Variants in TCHP observed in about 807,000 individuals in gnomAD.
TCHP encodes trichoplein keratin filament binding.
Under a neutral mutation model 88.7 loss-of-function variants are expected in TCHP, and 81 were observed. That is an observed-to-expected ratio of 0.91 (90% CI 0.76 to 1.10). The LOEUF (loss-of-function observed/expected upper bound fraction) is 1.10, where lower values mean the gene tolerates loss of function less well. TCHP is among the 50% of genes least tolerant of loss of function. The pLI, the probability that TCHP is intolerant of heterozygous loss-of-function variation, is 0.00. For synonymous variants in TCHP, 232 were observed against 232.5 expected (o/e 1.00, Z 0.02); for missense variants, 641 against 632.1 (o/e 1.01, Z -0.15).
chr12:109,915,954 G>A (rs1401050169), intron 12 of TCHP, among the ~76,000 whole-genome samples: 1 of 151,988 alleles, frequency 6.6e-6, no homozygotes, highest in Admixed American at 6.6e-5. Context: ...CCTCCTGTGG[G>A]TGTCCTCTTC....
At chr12:109,883,624 C>T in the TCHP span, among the ~76,000 whole-genome samples, 1 of 152,104 alleles carries the variant, frequency 6.6e-6, no homozygotes, top group Non-Finnish European at 1.5e-5. Flanking sequence ...GTGCCAGAAC[C>T]CCACCCACCT....
rs150290755 is a variant in TCHP at position 109,914,731 on chromosome 12, C to A, written c.1320+104C>A. 249 of 918,266 alleles carry A rather than the reference C, an allele frequency of 2.7e-4. 1 individual carries two copies. The African/African-American group carries it at 3.7e-3, about 14-fold the overall frequency. The allele number at this position is 918,266 out of a possible 1,614,324, so 56.9% of individuals were successfully genotyped here. Reference sequence around the variant, plus strand: ...TGGACTGCCTGGCAGGGCTTGCGCACGTTTGAGAGCACGGTGCTCCCGTTT... The same window carrying A: ...TGGACTGCCTGGCAGGGCTTGCGCAAGTTTGAGAGCACGGTGCTCCCGTTT... On this transcript the variant is annotated intron_variant, in intron 11 of 12. Coordinates refer to ENST00000405876, the MANE Select transcript of TCHP (RefSeq NM_001143852.2).
At chr12:109,907,486 C>A in intron 5 of TCHP, 40 bp from the exon 6 acceptor site, 1 of 1,583,270 alleles carries the variant, frequency 6.3e-7, no homozygotes, top group Non-Finnish European at 8.6e-7. Context: ...TGTTGGCTTA[C>A]GGTACAGATA....
chr12:109,883,250 G>A, the TCHP span, among the ~76,000 whole-genome samples: 3 of 143,780 alleles, frequency 2.1e-5, no homozygotes, highest in Non-Finnish European at 3.0e-5. Context: ...TTCCCAGCCT[G>A]CTTTTAAACC....
At chr12:109,915,142 A>G in intron 11 of TCHP, 1 of 563,470 alleles carries the variant, frequency 1.8e-6, no homozygotes, top group Non-Finnish European at 3.2e-6. Flanking sequence ...TCCACGAGGT[A>G]CACGCCACGC....
At chr12:109,882,833 A>G in the TCHP span, among the ~76,000 whole-genome samples, 1 of 150,404 alleles carries the variant, frequency 6.6e-6, no homozygotes, top group Non-Finnish European at 1.5e-5. Context: ...ATTTTTTTGT[A>G]TTTTTAGTAG....
rs1455550680 is a variant in TCHP at position 109,905,215 on chromosome 12, G to A, written c.456+422G>A. 6.6e-6 allele frequency among the ~76,000 whole-genome samples: 1 copy of A among 152,156 alleles called. No individual in the cohort carries two copies. Among genetic ancestry groups the A allele is most frequent in the African/African-American group, 2.4e-5 (1 of 41,428 alleles). On this transcript the variant is annotated intron_variant, in intron 4 of 12. Transcript: ENST00000405876. The surrounding 1 kb of genome is among the most constrained non-coding windows in gnomAD (Gnocchi z 4.0). Reference sequence around the variant, plus strand: ...GTTTGAAGGGATGTATGTGTGTAGAGGTGAGGAAAGGATGTTCTAGGTTGA... The same window carrying A: ...GTTTGAAGGGATGTATGTGTGTAGAAGTGAGGAAAGGATGTTCTAGGTTGA...
At chr12:109,904,201 A>C in intron 3 of TCHP, 54 bp downstream of exon 3, 1 of 1,492,756 alleles carries the variant, frequency 6.7e-7, no homozygotes, top group Non-Finnish European at 9.1e-7. Flanking sequence ...TCCCAGCCTG[A>C]GTGTGTCGCA....
the TCHP span, among the ~76,000 whole-genome samples, chr12:109,884,906 C>T: frequency 4.7e-4 from 71 of 152,344 alleles, 1 homozygote; most frequent in African/African-American, 1.7e-3. Context: ...CCCTGATGTA[C>T]GGCTACCACC....
rs991216939 is a variant in TCHP at position 109,916,591 on chromosome 12, C to A, written c.1465C>A (p.Pro489Thr). 8 of 1,613,320 alleles carry A rather than the reference C, an allele frequency of 5.0e-6. No homozygotes were observed. Among genetic ancestry groups the A allele is most frequent in the Non-Finnish European group, 6.8e-6 (8 of 1,179,712 alleles). The change falls in exon 13 of 13, where the codon CCT (proline) becomes ACT (threonine). Residue 489 changes from proline (P) to threonine (T), a missense_variant and splice_region_variant. By Grantham distance (38) the Pro-to-Thr change is conservative. Transcript: ENST00000405876. ...TMAEQGYRPK[P>T]YGHPKIAWN ...TCTTATGTTTTCTTTCTTTTCTCAG[C>A]CTTACGGACATCCAAAAATTGCTTG... is the stretch of plus-strand genomic sequence containing the variant.
At position 109,917,955 on chromosome 12, in the gene TCHP, C is replaced by T. The variant is rs1870907523; in HGVS notation, c.*1332C>T. The T allele has an allele frequency of 6.6e-6, 1 of 152,246 alleles. No individual in the cohort carries two copies. Among genetic ancestry groups the T allele is most frequent in the Non-Finnish European group, 1.5e-5 (1 of 68,056 alleles). 9.4% of individuals were successfully genotyped at this position (152,246 alleles called of 1,614,324 possible). ...ACGTCCTTCATCTGTTGTTCATTTTCTTGCAACTCTTTGACTCTGATCCCC... is the reference window on the plus strand; with the variant it reads ...ACGTCCTTCATCTGTTGTTCATTTTTTTGCAACTCTTTGACTCTGATCCCC... On this transcript the variant is annotated 3_prime_UTR_variant, in exon 13 of 13. Transcript: ENST00000405876.
chr12:109,913,645 TG>T (rs1217334514), intron 10 of TCHP, among the ~76,000 whole-genome samples: 1 of 152,106 alleles, frequency 6.6e-6, no homozygotes, highest in Non-Finnish European at 1.5e-5. Flanking sequence ...ACACTGTGCG[TG>T]GAAGATATAC....
the TCHP span, among the ~76,000 whole-genome samples, chr12:109,890,888 G>A: frequency 6.6e-6 from 1 of 152,192 alleles, no homozygotes; most frequent in Non-Finnish European, 1.5e-5. Flanking sequence ...GCAATGTGGG[G>A]TCAAAGATGG....
intron 1 of TCHP, among the ~76,000 whole-genome samples, chr12:109,902,800 G>T (rs963010120): frequency 6.6e-6 from 1 of 152,226 alleles, no homozygotes; most frequent in Non-Finnish European, 1.5e-5. Context: ...ACTAGTGGCA[G>T]ATCATTTTAA....
upstream of TCHP, among the ~76,000 whole-genome samples, chr12:109,897,977 A>T (rs1157916127): frequency 6.6e-6 from 1 of 152,238 alleles, no homozygotes; most frequent in Non-Finnish European, 1.5e-5. Flanking sequence ...CACTGGGGAC[A>T]CAACATGAAA....
At chr12:109,887,061 T>C in the TCHP span, among the ~76,000 whole-genome samples, 3 of 152,208 alleles carry the variant, frequency 2.0e-5, no homozygotes, top group African/African-American at 7.2e-5. Context: ...CTCAGTTTTA[T>C]ATGCACACAT....
chr12:109,913,139 C>A, intron 10 of TCHP, 67 bp downstream of exon 10: 3 of 1,438,162 alleles, frequency 2.1e-6, no homozygotes, highest in South Asian at 2.3e-5. Context: ...AGTCCATGGT[C>A]AGTCACCCTG....
Position 109,904,763 on chromosome 12 carries a change from C to CT in TCHP, c.427dup (p.Trp143LeufsTer46). 1 of 1,613,568 alleles carries CT rather than the reference C, an allele frequency of 6.2e-7. No individual in the cohort carries two copies. Among genetic ancestry groups the CT allele is most frequent in the Non-Finnish European group, 8.5e-7 (1 of 1,179,880 alleles). Reference sequence around the variant, plus strand: ...TTGCTGAACAACTTTTGTACGAACACTGGAAAAAGAACAACCCGAAACTTC... The same window carrying CT: ...TTGCTGAACAACTTTTGTACGAACACTTGGAAAAAGAACAACCCGAAACTTC... On this transcript the variant is annotated frameshift_variant, in exon 4 of 13. Transcript: ENST00000405876. LOFTEE classifies it high-confidence loss of function.
At chr12:109,914,398 T>A in intron 10 of TCHP, 44 bp from the exon 11 acceptor site, 1 of 1,560,102 alleles carries the variant, frequency 6.4e-7, no homozygotes, top group Non-Finnish European at 8.7e-7. Context: ...CAGGATCTGT[T>A]AGGGTCAACC....
Sources: gnomAD v4.1 joint callset for allele counts (sites outside exome capture counted in the v4.1 genomes callset) on GRCh38, gnomAD v4.1.1 for gene constraint, Gnocchi (gnomAD v3.1) non-coding constraint, MANE v1.5 for transcripts, NCBI Gene and HGNC (gene_info 2026-07-23, HGNC 2026-07-21) for gene names.